The following IKZF3 variants were observed in gnomAD, a reference collection of about 807,000 sequenced individuals.
The protein encoded by IKZF3 is IKAROS family zinc finger 3.
Under a neutral mutation model 49.0 loss-of-function variants are expected in IKZF3, and 10 were observed. The ratio of observed to expected loss-of-function variants is 0.20; its 90% CI spans 0.13 to 0.35. IKZF3 has a LOEUF of 0.35. IKZF3 is among the 10% of genes least tolerant of loss of function. The pLI is 1.00. For synonymous variants in IKZF3, 209 were observed against 228.2 expected (o/e 0.92, Z 0.76); for missense variants, 498 against 664.8 (o/e 0.75, Z 2.76).
At chr17:39,802,606 C>CA (rs34276646) in intron 3 of IKZF3, among the ~76,000 whole-genome samples, 1,569 of 94,692 alleles carry the variant, frequency 0.017, 12 homozygotes, top group Non-Finnish European at 0.025. Context: ...GACCCTGTCT[C>CA]AAAAAAAAAA....
Position 39,804,212 on chromosome 17 carries a change from C to T in IKZF3, c.164-11279G>A, listed in dbSNP as rs190698970. ...CCAACACTCCAGCACTTTGGGAGGC[C>T]AAGGCGGGCAGATTATTTGAGGCCA... On this transcript the variant is annotated intron_variant, in intron 3 of 7. Coordinates refer to ENST00000346872, the MANE Select transcript of IKZF3 (RefSeq NM_012481.5). 3.9e-3 allele frequency among the ~76,000 whole-genome samples: 593 copies of T among 152,172 alleles called. 2 individuals carry two copies. Among genetic ancestry groups the T allele is most frequent in the African/African-American group, 0.013 (558 of 41,514 alleles).
intron 1 of IKZF3, among the ~76,000 whole-genome samples, chr17:39,849,663 C>A (rs922293138): frequency 1.2e-4 from 18 of 150,682 alleles, no homozygotes; most frequent in African/African-American, 3.5e-4. Context: ...GGAAAAAAAA[C>A]AAAACAAACA....
intron 1 of IKZF3, chr17:39,835,505 G>A (rs952586867): frequency 6.9e-6 from 3 of 435,520 alleles, no homozygotes; most frequent in Non-Finnish European, 1.4e-5. Flanking sequence ...TTTGTACAAC[G>A]CAGGTCATCC....
intron 4 of IKZF3, 41 bp downstream of exon 4, chr17:39,792,632 T>C: frequency 6.3e-7 from 1 of 1,584,748 alleles, no homozygotes; most frequent in Admixed American, 1.8e-5. Context: ...GTGGCTGCAT[T>C]AGGAGAGTTT....
chr17:39,790,251 G>A (rs1475552037), intron 5 of IKZF3, among the ~76,000 whole-genome samples: 1 of 152,152 alleles, frequency 6.6e-6, no homozygotes, highest in Non-Finnish European at 1.5e-5. Context: ...GGCTAAAAAT[G>A]TTACGTTTCT....
At chr17:39,810,512 T>C (rs1035520751) in intron 3 of IKZF3, among the ~76,000 whole-genome samples, 7 of 152,038 alleles carry the variant, frequency 4.6e-5, no homozygotes, top group African/African-American at 1.7e-4. Context: ...AATTTCTCTT[T>C]GAACTTCTAT....
chr17:39,825,022 G>C (rs1052718718), intron 3 of IKZF3, among the ~76,000 whole-genome samples: 1 of 152,140 alleles, frequency 6.6e-6, no homozygotes, highest in Non-Finnish European at 1.5e-5. Context: ...TAAGTGTCTG[G>C]CATTTCCCTG....
At chr17:39,807,001 A>G (rs1002035169) in intron 3 of IKZF3, among the ~76,000 whole-genome samples, 1 of 152,166 alleles carries the variant, frequency 6.6e-6, no homozygotes, top group African/African-American at 2.4e-5. Context: ...GACAACAACC[A>G]CATGAGTGAG....
chr17:39,804,133 G>T (rs918822512), intron 3 of IKZF3, among the ~76,000 whole-genome samples: 2 of 152,040 alleles, frequency 1.3e-5, no homozygotes, highest in Non-Finnish European at 2.9e-5. Flanking sequence ...CAAGGGCCTC[G>T]TTACTTTAGA....
intron 7 of IKZF3, among the ~76,000 whole-genome samples, chr17:39,770,249 C>T (rs767088152): frequency 1.1e-4 from 17 of 152,288 alleles, no homozygotes; most frequent in East Asian, 1.9e-4. Flanking sequence ...CAAACCTGCA[C>T]GGAGCATCTG....
rs1246275430 is a variant in IKZF3, at chr17:39,832,102, G to A, written c.57C>T (p.Pro19=). ...AGAGGAAAGACCTGATGTTACCTGC[G>A]GGCACAGACTGCTCCTGAGTGCTTT... The part of the protein sequence containing the change: ...ELKSTQEQSV[P]AESAAVLNDY... Residue 19 remains proline (P), a synonymous_variant, in exon 2 of 8, where the codon CCC becomes CCT. Coordinates refer to ENST00000346872, the MANE Select transcript of IKZF3 (RefSeq NM_012481.5). 7.5e-6 allele frequency: 12 copies of A among 1,609,966 alleles called. No individual in the cohort carries two copies. The highest frequency in any genetic ancestry group is 5.4e-5 in the African/African-American group (4 of 74,626).
intron 1 of IKZF3, among the ~76,000 whole-genome samples, chr17:39,858,486 A>T (rs2144584231): frequency 6.6e-6 from 1 of 152,196 alleles, no homozygotes; most frequent in East Asian, 1.9e-4. Flanking sequence ...TTTGTTTCAT[A>T]TCCATTACCA....
chr17:39,837,950 A>G (rs1179264258), intron 1 of IKZF3, among the ~76,000 whole-genome samples: 1 of 151,970 alleles, frequency 6.6e-6, no homozygotes, highest in Admixed American at 6.6e-5. Flanking sequence ...CCTGTCTTCT[A>G]TTGTTTCTGA....
chr17:39,862,292 C>T (rs1598250222), intron 1 of IKZF3, among the ~76,000 whole-genome samples: 2 of 152,086 alleles, frequency 1.3e-5, no homozygotes, highest in South Asian at 2.1e-4. Flanking sequence ...GAATGATATA[C>T]AGTATTGCAT....
intron 7 of IKZF3, among the ~76,000 whole-genome samples, chr17:39,768,927 C>G (rs1159122346): frequency 6.6e-6 from 1 of 152,142 alleles, no homozygotes; most frequent in Non-Finnish European, 1.5e-5. Context: ...TACTTGGAGA[C>G]TAAGATCCCT....
chr17:39,769,468 A>G (rs1024254988), intron 7 of IKZF3, among the ~76,000 whole-genome samples: 6 of 152,214 alleles, frequency 3.9e-5, no homozygotes, highest in Non-Finnish European at 5.9e-5. Flanking sequence ...TGGAAACTCA[A>G]TGAGAAGCAA....
rs1456155846 is a variant in IKZF3 at position 39,775,500 on chromosome 17, A to G, written c.826+2151T>C. ...TGCTATATTTTTGAACCCATGAAAT[A>G]CCAAAGCAACTTTTATTATATTAAG... is the stretch of plus-strand genomic sequence containing the variant. On this transcript the variant is annotated intron_variant, in intron 7 of 7. Transcript: ENST00000346872. Among the ~76,000 whole-genome samples, 3 of 152,354 alleles carry G rather than the reference A, an allele frequency of 2.0e-5. No individual in the cohort carries two copies. The East Asian group carries it at 5.8e-4, about 29-fold the overall frequency.
At chr17:39,790,673 T>C (rs188650553) in intron 5 of IKZF3, among the ~76,000 whole-genome samples, 2 of 152,304 alleles carry the variant, frequency 1.3e-5, no homozygotes, top group Admixed American at 6.5e-5. Flanking sequence ...AAAAAAAGTA[T>C]TATCTTGGTC....
chr17:39,823,989 C>A (rs897501457), intron 3 of IKZF3, among the ~76,000 whole-genome samples: 13 of 152,220 alleles, frequency 8.5e-5, no homozygotes, highest in Non-Finnish European at 1.6e-4. Flanking sequence ...CACCATCCTC[C>A]AGACCCCAGA....
Sources: gnomAD v4.1 joint callset for allele counts (sites outside exome capture counted in the v4.1 genomes callset) on GRCh38, gnomAD v4.1.1 for gene constraint, MANE v1.5 for transcripts, NCBI Gene and HGNC (gene_info 2026-07-23, HGNC 2026-07-21) for gene names.